Variants in TFB2M observed in about 807,000 individuals in gnomAD.
TFB2M encodes the protein transcription factor B2, mitochondrial, also known as dimethyladenosine transferase 2, mitochondrial.
A neutral mutation model predicts 41.3 loss-of-function variants in TFB2M; 44 were observed. That is an observed-to-expected ratio of 1.07 (90% CI 0.84 to 1.37). TFB2M has a LOEUF of 1.37. Ranked by LOEUF, TFB2M falls within the 40% of genes most tolerant of loss-of-function variation. The probability of loss-of-function intolerance (pLI) is 0.00; values close to 1 mark genes in which losing one functional copy is unlikely to be tolerated. For missense variants in TFB2M, 496 were observed against 490.2 expected (o/e 1.01, Z -0.11); for synonymous variants, 188 against 176.8 (o/e 1.06, Z -0.50).
intron 2 of TFB2M, among the ~76,000 whole-genome samples, chr1:246,563,748 T>G (rs757704854): frequency 2.6e-5 from 4 of 152,230 alleles, no homozygotes; most frequent in Non-Finnish European, 5.9e-5. Flanking sequence ...TAAAATATTA[T>G]ACAGAATTGC....
rs2102986519 is a variant in TFB2M, at chr1:246,551,283, C to A, written c.725G>T (p.Gly242Val). 2 of 1,612,956 alleles carry A rather than the reference C, an allele frequency of 1.2e-6. No individual in the cohort carries two copies. The highest frequency in any genetic ancestry group is 4.5e-5 in the East Asian group (2 of 44,886). ...KEFQKLMADP[G>V]NPDLYHVLSV... ...TAATACATGATACAAGTCTGGATTT[C>A]CGGGATCTGCCATTAGTTTCTAGTA... is the stretch of plus-strand genomic sequence containing the variant. Residue 242 changes from glycine to valine, a missense_variant, in exon 5 of 8, where the codon GGA (glycine) becomes GTA (valine). Gly to Val is a moderately radical substitution (Grantham distance 109). Coordinates refer to ENST00000366514, the MANE Select transcript of TFB2M (RefSeq NM_022366.3).
chr1:246,546,983 ATTTTTTT>A lies in TFB2M; in HGVS notation c.858+1555_858+1561del, dbSNP rs74163461. On this transcript the variant is annotated intron_variant, in intron 6 of 7. Transcript: ENST00000366514. ...TGTATATATACACACACACACACAC[ATTTTTTT>A]TTTTTTTTTTTGAGACAAAGTCTCA... 2.4e-5 allele frequency among the ~76,000 whole-genome samples: 3 copies of A among 127,180 alleles called. 1 individual carries two copies. The highest frequency in any genetic ancestry group is 8.9e-5 in the African/African-American group (3 of 33,884). The allele number at this position is 127,180 out of a possible 152,430, so 83.4% of individuals were successfully genotyped here.
intron 2 of TFB2M, among the ~76,000 whole-genome samples, chr1:246,557,907 G>T (rs192183086): frequency 6.6e-6 from 1 of 152,132 alleles, no homozygotes; most frequent in Non-Finnish European, 1.5e-5. Flanking sequence ...TTGACCTCAT[G>T]ATACGTCCAC....
intron 6 of TFB2M, among the ~76,000 whole-genome samples, chr1:246,545,014 C>A (rs560313605): frequency 6.6e-6 from 1 of 151,942 alleles, no homozygotes. Flanking sequence ...ACCGTGTTAG[C>A]CAGGATGGTC....
chr1:246,558,569 T>C (rs926627468), intron 2 of TFB2M, among the ~76,000 whole-genome samples: 1 of 152,176 alleles, frequency 6.6e-6, no homozygotes, highest in African/African-American at 2.4e-5. Flanking sequence ...GTTGGCCTCT[T>C]ACAGAGAACT....
intron 3 of TFB2M, 99 bp downstream of exon 3, chr1:246,557,282 A>C (rs1659348728): frequency 1.4e-6 from 2 of 1,394,054 alleles, no homozygotes; most frequent in African/African-American, 3.0e-5. Flanking sequence ...CAGAAAACAA[A>C]CAAATAAATA....
rs181489961 is a variant in TFB2M, at chr1:246,561,717, C to T, written c.402+2629G>A. ...CTCCTGACCTCAAGTGACCTGCCCG[C>T]CTTGGCCTCCCAAAGTGCTGGGATT... On this transcript the variant is annotated intron_variant, in intron 2 of 7. Coordinates refer to ENST00000366514, the MANE Select transcript of TFB2M (RefSeq NM_022366.3). Among the ~76,000 whole-genome samples the T allele has an allele frequency of 3.8e-3, 572 of 152,328 alleles. 2 individuals carry two copies. The highest frequency in any genetic ancestry group is 0.014 in the Admixed American group (208 of 15,298).
rs1658951251 is a variant in TFB2M at position 246,544,666 on chromosome 1, A to T, written c.874T>A (p.Leu292Ile). 1.3e-6 allele frequency: 2 copies of T among 1,595,538 alleles called. No individual in the cohort carries two copies. The highest frequency in any genetic ancestry group is 1.7e-6 in the Non-Finnish European group (2 of 1,175,664). The change falls in exon 7 of 8, where the codon TTA becomes ATA. Residue 292 changes from leucine (L) to isoleucine (I), a missense_variant. Transcript: ENST00000366514. ...NPKRRELLDQ[L>I]QQKLYLIQMI... ...TGAATAAGATACAGCTTTTGTTGTA[A>T]TTGGTCTAATAATTCCTGGAGAGAA...
Position 246,565,702 on chromosome 1 carries a change from C to T in TFB2M, c.313+124G>A, listed in dbSNP as rs908799114. The T allele has an allele frequency of 8.1e-5, 89 of 1,101,960 alleles. No individual in the cohort carries two copies. In the African/African-American group the frequency reaches 1.3e-3, roughly 17 times the overall value. 68.3% of individuals were successfully genotyped at this position (1,101,960 alleles called of 1,614,324 possible). On this transcript the variant is annotated intron_variant, in intron 1 of 7. Coordinates refer to ENST00000366514, the MANE Select transcript of TFB2M (RefSeq NM_022366.3). ...ACTCCAGCCTGGCAACACAGCGAGA[C>T]TCCGTCTCAAAGCAAAAGAACAACA...
intron 5 of TFB2M, among the ~76,000 whole-genome samples, chr1:246,550,289 T>C (rs897675777): frequency 2.0e-5 from 3 of 152,078 alleles, no homozygotes; most frequent in African/African-American, 7.2e-5. Context: ...GAGTACAATA[T>C]ACAGTGCAGG....
Position 246,548,609 on chromosome 1 carries a change from T to C in TFB2M, c.796-2A>G. On this transcript the variant is annotated splice_acceptor_variant, in intron 5 of 7. Coordinates refer to ENST00000366514, the MANE Select transcript of TFB2M (RefSeq NM_022366.3). LOFTEE classifies it high-confidence loss of function. ...TATATCAAATGATGACCAAGGCTCC[T>C]GGGGAAGAAAAACAAAGCAAAACAA... is the stretch of plus-strand genomic sequence containing the variant. 1 of 1,612,096 alleles carries C rather than the reference T, an allele frequency of 6.2e-7. No individual in the cohort carries two copies. The highest frequency in any genetic ancestry group is 8.5e-7 in the Non-Finnish European group (1 of 1,179,416).
chr1:246,563,300 A>G (rs1278195891), intron 2 of TFB2M, among the ~76,000 whole-genome samples: 1 of 151,918 alleles, frequency 6.6e-6, no homozygotes, highest in Non-Finnish European at 1.5e-5. Flanking sequence ...GCTTATCAGA[A>G]GCATATAAAT....
At chr1:246,561,262 AAAT>A (rs1160508110) in intron 2 of TFB2M, among the ~76,000 whole-genome samples, 2 of 152,222 alleles carry the variant, frequency 1.3e-5, no homozygotes, top group Non-Finnish European at 2.9e-5. Context: ...TGCTAGTAGA[AAAT>A]AAGAGCCTTA....
intron 5 of TFB2M, 116 bp from the exon 6 acceptor site, chr1:246,548,723 G>A (rs1659091555): frequency 2.4e-6 from 2 of 850,960 alleles, no homozygotes; most frequent in East Asian, 5.1e-5. Context: ...CAGTCTAATT[G>A]GATTTAAAAG....
intron 4 of TFB2M, among the ~76,000 whole-genome samples, chr1:246,555,947 C>T (rs185456849): frequency 1.2e-4 from 19 of 152,158 alleles, no homozygotes; most frequent in African/African-American, 4.3e-4. Flanking sequence ...TGCACCACCA[C>T]GCCTGGCTAA....
At chr1:246,565,694 C>G in intron 1 of TFB2M, 132 bp downstream of exon 1, 1 of 1,041,606 alleles carries the variant, frequency 9.6e-7, no homozygotes, top group Non-Finnish European at 1.4e-6. Context: ...CCTGGCAACA[C>G]AGCGAGACTC....
chr1:246,563,145 TC>T (rs1239352697), intron 2 of TFB2M, among the ~76,000 whole-genome samples: 1 of 151,528 alleles, frequency 6.6e-6, no homozygotes, highest in African/African-American at 2.4e-5. Context: ...TTTCCACTGT[TC>T]AACAGCTGAC....
In TFB2M at chr1:246,566,111, G is replaced by A; in HGVS notation, c.28C>T (p.Arg10Trp). 1 of 1,610,558 alleles carries A rather than the reference G, an allele frequency of 6.2e-7. No individual in the cohort carries two copies. Among genetic ancestry groups the A allele is most frequent in the Non-Finnish European group, 8.5e-7 (1 of 1,177,416 alleles). Residue 10 changes from arginine (R) to tryptophan (W), a missense_variant, in exon 1 of 8, where the codon CGG becomes TGG. Transcript: ENST00000366514. The part of the protein sequence containing the change: MWIPVVGLP[R>W]RLRLSALAGA... Reference sequence around the variant, plus strand: ...GCCAAGGCGGAGAGCCTCAGCCGCCGAGGAAGCCCGACCACTGGGATCCAC... The same window carrying A: ...GCCAAGGCGGAGAGCCTCAGCCGCCAAGGAAGCCCGACCACTGGGATCCAC...
At chr1:246,542,854 GATTGCCTTTTATTAGTCT>G (rs1303894842) in intron 7 of TFB2M, among the ~76,000 whole-genome samples, 1 of 147,632 alleles carries the variant, frequency 6.8e-6, no homozygotes, top group Admixed American at 6.8e-5. Flanking sequence ...AAAAATAATA[GATTGCCTTTTATTAGTCT>G]ATTGCCTTTT....
Sources: allele counts gnomAD v4.1 joint callset (sites outside exome capture counted in the v4.1 genomes callset), GRCh38; gene constraint gnomAD v4.1.1; transcripts MANE v1.5; gene names NCBI Gene and HGNC (gene_info 2026-07-23, HGNC 2026-07-21).